MEIKIN: variants seen among roughly 807,000 people sequenced by gnomAD.
The protein encoded by MEIKIN is meiosis-specific kinetochore protein.
At chr5:131,889,244 G>T (rs1750862201) in intron 8 of MEIKIN, among the ~76,000 whole-genome samples, 1 of 152,112 alleles carries the variant, frequency 6.6e-6, no homozygotes, top group South Asian at 2.1e-4. Context: ...CCAGTTCTGT[G>T]AAGAAAGTCA....
intron 9 of MEIKIN, among the ~76,000 whole-genome samples, chr5:131,862,413 T>C (rs1750302214): frequency 6.6e-6 from 1 of 152,138 alleles, no homozygotes; most frequent in Non-Finnish European, 1.5e-5. Flanking sequence ...CATTGATACT[T>C]TGTATTTTTT....
intron 6 of MEIKIN, 128 bp downstream of exon 6, chr5:131,921,694 T>C (rs1288643585): frequency 5.1e-6 from 2 of 389,780 alleles, no homozygotes; most frequent in Admixed American, 4.5e-5. Flanking sequence ...ATACTTATGC[T>C]ATTATTAGAT....
intron 8 of MEIKIN, among the ~76,000 whole-genome samples, chr5:131,889,553 A>G (rs1383281364): frequency 6.6e-6 from 1 of 152,210 alleles, no homozygotes; most frequent in African/African-American, 2.4e-5. Flanking sequence ...ATTTTTGCAC[A>G]TTAATTTTGT....
chr5:131,917,605 T>A (rs1751434138), intron 6 of MEIKIN, among the ~76,000 whole-genome samples: 1 of 149,258 alleles, frequency 6.7e-6, no homozygotes. Context: ...CACAGTCAAA[T>A]ACTAGTCCAG....
chr5:131,893,249 C>T (rs1163014505), intron 8 of MEIKIN, among the ~76,000 whole-genome samples: 1 of 145,474 alleles, frequency 6.9e-6, no homozygotes, highest in East Asian at 2.4e-4. Flanking sequence ...CCAGTTAGAG[C>T]TTCCCAGCCG....
At chr5:131,836,037 C>T (rs180994511) in intron 11 of MEIKIN, among the ~76,000 whole-genome samples, 42 of 152,178 alleles carry the variant, frequency 2.8e-4, no homozygotes, top group Middle Eastern at 3.4e-3. Flanking sequence ...TTTCCTGATC[C>T]TCTCCCTCCT....
intron 9 of MEIKIN, among the ~76,000 whole-genome samples, chr5:131,876,992 G>C (rs934622154): frequency 1.0e-4 from 14 of 133,830 alleles, no homozygotes; most frequent in South Asian, 5.6e-4. Context: ...ACTGGGGCCT[G>C]TTGTGGGGTG....
At chr5:131,829,619 G>A (rs1561724870) in intron 11 of MEIKIN, among the ~76,000 whole-genome samples, 1 of 152,148 alleles carries the variant, frequency 6.6e-6, no homozygotes, top group Non-Finnish European at 1.5e-5. Context: ...AAAAAAACAA[G>A]TGTTATGGGT....
At chr5:131,895,288 G>C (rs987021207) in intron 8 of MEIKIN, among the ~76,000 whole-genome samples, 1 of 152,194 alleles carries the variant, frequency 6.6e-6, no homozygotes, top group Non-Finnish European at 1.5e-5. Flanking sequence ...GATTTGGTTT[G>C]TCAGTATTTT....
chr5:131,843,963 T>C (rs192093501), intron 11 of MEIKIN, among the ~76,000 whole-genome samples: 2 of 152,306 alleles, frequency 1.3e-5, no homozygotes, highest in Admixed American at 6.5e-5. Flanking sequence ...AGAGGTTTAA[T>C]TGACTCACAG....
chr5:131,870,448 CTT>C (rs1750468213), intron 9 of MEIKIN, among the ~76,000 whole-genome samples: 1 of 152,070 alleles, frequency 6.6e-6, no homozygotes, highest in African/African-American at 2.4e-5. Flanking sequence ...CCTGGGCCCA[CTT>C]CTCTTCCTTA....
intron 12 of MEIKIN, among the ~76,000 whole-genome samples, chr5:131,815,701 C>A (rs1337754128): frequency 6.6e-6 from 1 of 152,216 alleles, no homozygotes; most frequent in Non-Finnish European, 1.5e-5. Context: ...ATGTCTGGAA[C>A]ACAGGAGATC....
intron 11 of MEIKIN, among the ~76,000 whole-genome samples, chr5:131,820,350 G>A (rs1390956691): frequency 2.0e-5 from 3 of 152,162 alleles, no homozygotes; most frequent in African/African-American, 7.2e-5. Flanking sequence ...GCCTCCCAAA[G>A]TGCTGGGATT....
chr5:131,913,659 T>C (rs1222203825), intron 7 of MEIKIN, among the ~76,000 whole-genome samples: 1 of 152,232 alleles, frequency 6.6e-6, no homozygotes, highest in Admixed American at 6.5e-5. Context: ...GCTGGTAGAA[T>C]TGGGTTTTGA....
intron 8 of MEIKIN, among the ~76,000 whole-genome samples, chr5:131,897,786 G>C (rs1443388177): frequency 6.6e-6 from 1 of 152,028 alleles, no homozygotes; most frequent in Non-Finnish European, 1.5e-5. Flanking sequence ...TTAGCCATTC[G>C]TCTAACCTTT....
At chr5:131,856,153 A>T (rs1750188910) in intron 9 of MEIKIN, among the ~76,000 whole-genome samples, 2 of 152,248 alleles carry the variant, frequency 1.3e-5, no homozygotes. Context: ...TGAACACATC[A>T]GCCTCTAACT....
intron 11 of MEIKIN, among the ~76,000 whole-genome samples, chr5:131,833,999 C>T (rs1749757631): frequency 6.6e-6 from 1 of 152,140 alleles, no homozygotes; most frequent in Non-Finnish European, 1.5e-5. Context: ...ACACACTCTA[C>T]CTACCTAAGA....
At chr5:131,851,787 T>C (rs759593239) in intron 10 of MEIKIN, among the ~76,000 whole-genome samples, 2 of 152,200 alleles carry the variant, frequency 1.3e-5, no homozygotes, top group Non-Finnish European at 2.9e-5. Flanking sequence ...CCAAAAAAGA[T>C]GACTGATTGA....
At chr5:131,870,423 T>C (rs759292490) in intron 9 of MEIKIN, among the ~76,000 whole-genome samples, 6 of 152,124 alleles carry the variant, frequency 3.9e-5, no homozygotes, top group Non-Finnish European at 8.8e-5. Context: ...GACGATGGAG[T>C]TTTCCAGGGA....
Sources: allele counts gnomAD v4.1 joint callset (sites outside exome capture counted in the v4.1 genomes callset), GRCh38; gene constraint gnomAD v4.1.1; transcripts MANE v1.5; gene names NCBI Gene and HGNC (gene_info 2026-07-23, HGNC 2026-07-21).